The following LTBP1 variants were observed in gnomAD, a reference collection of about 807,000 sequenced individuals.
LTBP1 encodes the protein latent-transforming growth factor beta-binding protein 1.
LTBP1 carries 129 observed loss-of-function variants against 207.6 expected under a neutral mutation model. The ratio of observed to expected loss-of-function variants is 0.62; its 90% CI spans 0.54 to 0.72. LTBP1 has a LOEUF of 0.72. Ranked by LOEUF, LTBP1 falls within the 30% of genes least tolerant of loss-of-function variation. The pLI, the probability that LTBP1 is intolerant of heterozygous loss-of-function variation, is 0.00. For synonymous variants in LTBP1, 963 were observed against 833.7 expected, an observed-to-expected ratio of 1.16 and a Z score of -2.67; for missense variants, 2,281 against 2,217.2, an observed-to-expected ratio of 1.03 and a Z score of -0.58.
At chr2:33,091,018 C>A (rs1033170449) in intron 3 of LTBP1, among the ~76,000 whole-genome samples, 2 of 152,170 alleles carry the variant, frequency 1.3e-5, no homozygotes, top group African/African-American at 4.8e-5. Context: ...TTCTTCATGC[C>A]CCATGCTGCT....
At chr2:32,976,253 A>G (rs1234662118) in intron 2 of LTBP1, among the ~76,000 whole-genome samples, 1 of 152,108 alleles carries the variant, frequency 6.6e-6, no homozygotes, top group Non-Finnish European at 1.5e-5. Context: ...TGAAGGGGCC[A>G]AGGTGTTCCC....
At chr2:33,171,772 C>A (rs894871229) in intron 5 of LTBP1, among the ~76,000 whole-genome samples, 11 of 152,138 alleles carry the variant, frequency 7.2e-5, no homozygotes, top group African/African-American at 2.6e-4. Context: ...GTCGGGTTAC[C>A]CACAAAGGGA....
intron 7 of LTBP1, among the ~76,000 whole-genome samples, chr2:33,212,489 T>C (rs2090387057): frequency 6.6e-6 from 1 of 152,160 alleles, no homozygotes; most frequent in African/African-American, 2.4e-5. Context: ...ATTTCCTAGA[T>C]GGGATAATGT....
chr2:33,355,207 C>G (rs949757742), intron 26 of LTBP1, among the ~76,000 whole-genome samples: 3 of 151,790 alleles, frequency 2.0e-5, no homozygotes, highest in Non-Finnish European at 2.9e-5. Flanking sequence ...TGCTTGTTCC[C>G]CCATCTCCAT....
intron 5 of LTBP1, among the ~76,000 whole-genome samples, chr2:33,166,616 C>T (rs1231444896): frequency 6.6e-6 from 1 of 152,140 alleles, no homozygotes; most frequent in Non-Finnish European, 1.5e-5. Flanking sequence ...GAAACATACT[C>T]ATGGGCCAAT....
At position 33,303,551 on chromosome 2, in the gene LTBP1, C is replaced by T. The variant is rs189669193; in HGVS notation, c.3481+1907C>T. Among the ~76,000 whole-genome samples, 1,115 of 152,020 alleles carry T rather than the reference C, an allele frequency of 7.3e-3. 9 individuals carry two copies. The highest frequency in any genetic ancestry group is 0.012 in the Non-Finnish European group (823 of 67,972). ...ATTTTTAATAGAGACGGGTTTTCAC[C>T]GTGTTAACCTGGATGGTCTTGATCT... On this transcript the variant is annotated intron_variant, in intron 22 of 33. Coordinates refer to ENST00000404816, the MANE Select transcript of LTBP1 (RefSeq NM_206943.4).
chr2:33,044,037 CG>C (rs1418876862), intron 3 of LTBP1, among the ~76,000 whole-genome samples: 3 of 144,988 alleles, frequency 2.1e-5, no homozygotes, highest in Non-Finnish European at 3.1e-5. Context: ...GATTTCTGTT[CG>C]TTTTTTTTTT....
chr2:33,102,898 G>T (rs1211885531), intron 3 of LTBP1, among the ~76,000 whole-genome samples: 3 of 151,614 alleles, frequency 2.0e-5, no homozygotes, highest in Non-Finnish European at 4.4e-5. Flanking sequence ...TGCACTGTCT[G>T]TATGCTGTAT....
intron 3 of LTBP1, among the ~76,000 whole-genome samples, chr2:33,085,096 T>C (rs2078672822): frequency 6.6e-6 from 1 of 152,122 alleles, no homozygotes; most frequent in Admixed American, 6.5e-5. Flanking sequence ...CTTGTGAGGA[T>C]AGAGGTAGAG....
At chr2:33,367,079 TATTA>T (rs561498701) in intron 31 of LTBP1, among the ~76,000 whole-genome samples, 6 of 152,202 alleles carry the variant, frequency 3.9e-5, no homozygotes, top group Admixed American at 3.9e-4. Context: ...TTTTCTTATA[TATTA>T]ATTATCATTA....
At chr2:32,965,219 G>A (rs1228692247) in intron 2 of LTBP1, among the ~76,000 whole-genome samples, 1 of 152,018 alleles carries the variant, frequency 6.6e-6, no homozygotes, top group Non-Finnish European at 1.5e-5. Flanking sequence ...TAGGTTCAGA[G>A]CAAAATTGAA....
At chr2:33,144,573 T>C (rs2082872725) in intron 5 of LTBP1, among the ~76,000 whole-genome samples, 1 of 152,200 alleles carries the variant, frequency 6.6e-6, no homozygotes, top group Non-Finnish European at 1.5e-5. Flanking sequence ...CAGTGATGTA[T>C]GATTATAACA....
intron 7 of LTBP1, among the ~76,000 whole-genome samples, chr2:33,194,580 C>T (rs995370639): frequency 6.6e-6 from 1 of 152,176 alleles, no homozygotes; most frequent in Non-Finnish European, 1.5e-5. Context: ...CTTCAATTCT[C>T]TGAAGGCTTG....
At chr2:33,241,329 A>G (rs1057379592) in intron 9 of LTBP1, among the ~76,000 whole-genome samples, 4 of 152,156 alleles carry the variant, frequency 2.6e-5, no homozygotes, top group Non-Finnish European at 2.9e-5. Flanking sequence ...TCCTGTCTAT[A>G]CCTGATAGGT....
intron 4 of LTBP1, among the ~76,000 whole-genome samples, chr2:33,125,570 C>G (rs548053938): frequency 6.6e-6 from 1 of 152,084 alleles, no homozygotes; most frequent in Non-Finnish European, 1.5e-5. Context: ...CGGTGGCTCA[C>G]GCTTGTAATC....
At chr2:33,166,486 T>C (rs879392540) in intron 5 of LTBP1, among the ~76,000 whole-genome samples, 2 of 152,222 alleles carry the variant, frequency 1.3e-5, no homozygotes, top group African/African-American at 2.4e-5. Context: ...CTGATTCTTA[T>C]CCTGTACAGA....
At chr2:33,339,933 C>T (rs986819597) in intron 24 of LTBP1, among the ~76,000 whole-genome samples, 1 of 152,090 alleles carries the variant, frequency 6.6e-6, no homozygotes, top group Non-Finnish European at 1.5e-5. Context: ...GCATGAGCCA[C>T]CGCGCCGGGC....
intron 5 of LTBP1, among the ~76,000 whole-genome samples, chr2:33,182,622 A>G (rs1041583542): frequency 6.7e-6 from 1 of 148,234 alleles, no homozygotes; most frequent in Non-Finnish European, 1.5e-5. Flanking sequence ...AGATGGCGCC[A>G]CTGCACTCCA....
chr2:32,958,412 G>A (rs1440853210), intron 2 of LTBP1, among the ~76,000 whole-genome samples: 4 of 152,126 alleles, frequency 2.6e-5, no homozygotes, highest in African/African-American at 9.7e-5. Flanking sequence ...AAGATCCTTG[G>A]GGGCTGATCC....
Sources: allele counts gnomAD v4.1 joint callset (sites outside exome capture counted in the v4.1 genomes callset), GRCh38; gene constraint gnomAD v4.1.1; transcripts MANE v1.5; gene names NCBI Gene and HGNC (gene_info 2026-07-23, HGNC 2026-07-21).